BPTF: variants seen among roughly 807,000 people sequenced by gnomAD.
The protein encoded by BPTF is bromodomain PHD finger transcription factor, also known as nucleosome-remodeling factor subunit BPTF.
In BPTF, 18 loss-of-function variants were observed where a neutral mutation model predicts 292.5. The observed-to-expected ratio is 0.06, with a 90% CI of 0.04 to 0.09. The LOEUF (loss-of-function observed/expected upper bound fraction) is 0.09. BPTF is among the 10% of genes least tolerant of loss of function. The probability of loss-of-function intolerance (pLI) is 1.00; values close to 1 mark genes in which losing one functional copy is unlikely to be tolerated. For synonymous variants in BPTF, 1,225 were observed against 1,251.9 expected (o/e 0.98, Z 0.45); for missense variants, 2,726 against 3,498.7 (o/e 0.78, Z 5.57).
chr17:67,873,331 G>A (rs373114855), intron 3 of BPTF, among the ~76,000 whole-genome samples: 13 of 151,864 alleles, frequency 8.6e-5, no homozygotes, highest in Admixed American at 2.0e-4. Context: ...GGTGGCAGGC[G>A]CCTGTAATCC....
In BPTF at chr17:67,911,920, G is replaced by A; in HGVS notation, c.4036G>A (p.Glu1346Lys). ...LVSGESTGNCEDRLPVKGTEA... is the reference protein window; with the variant it reads ...LVSGESTGNCKDRLPVKGTEA... ...TTCTGGTGAGTCCACTGGAAACTGT[G>A]AGGACAGGCTGCCGGTCAAGGGGAC... Residue 1346 changes from glutamate to lysine, a missense_variant, in exon 11 of 28, where the codon GAG (glutamate) becomes AAG (lysine). Coordinates refer to ENST00000306378, the MANE Select transcript of BPTF (RefSeq NM_182641.4). 6.2e-7 allele frequency: 1 copy of A among 1,614,052 alleles called. No individual in the cohort carries two copies. The highest frequency in any genetic ancestry group is 8.5e-7 in the Non-Finnish European group (1 of 1,180,004).
chr17:67,978,129 C>T (rs1322723109), intron 27 of BPTF, among the ~76,000 whole-genome samples: 7 of 151,520 alleles, frequency 4.6e-5, no homozygotes, highest in South Asian at 2.1e-4. Context: ...GCTGGGATTA[C>T]GGGCGTGAGC....
In BPTF at chr17:67,982,334, G is replaced by T. The variant is rs782385753; in HGVS notation, c.*46G>T. On this transcript the variant is annotated 3_prime_UTR_variant, in exon 28 of 28. Coordinates refer to ENST00000306378, the MANE Select transcript of BPTF (RefSeq NM_182641.4). ...CATAAAACACAGCAAGAATCTGGTT[G>T]TCTGAACTATTTTAAATTAAGGAGC... 6.4e-7 allele frequency: 1 copy of T among 1,551,158 alleles called. No individual in the cohort carries two copies.
chr17:67,869,686 A>G (rs2059591507), intron 3 of BPTF, among the ~76,000 whole-genome samples: 1 of 152,040 alleles, frequency 6.6e-6, no homozygotes, highest in Admixed American at 6.6e-5. Flanking sequence ...ATGTACTTTT[A>G]AAAATTAGTT....
At chr17:67,881,185 A>G (rs2060378528) in intron 4 of BPTF, among the ~76,000 whole-genome samples, 1 of 152,164 alleles carries the variant, frequency 6.6e-6, no homozygotes, top group Admixed American at 6.6e-5. Flanking sequence ...GTGATCAGAA[A>G]CATTTTGTGT....
chr17:67,898,661 CTTTTT>C (rs11289448), intron 7 of BPTF, among the ~76,000 whole-genome samples: 1 of 136,828 alleles, frequency 7.3e-6, no homozygotes, highest in African/African-American at 2.7e-5. Flanking sequence ...TATATGAAGT[CTTTTT>C]TTTTTTTTTT....
chr17:67,858,215 T>C lies in BPTF; in HGVS notation c.1436+3453T>C, dbSNP rs1242317798. Among the ~76,000 whole-genome samples the C allele has an allele frequency of 3.3e-5, 5 of 152,228 alleles. No homozygotes were observed. In the East Asian group the frequency reaches 9.6e-4, roughly 29 times the overall value. On this transcript the variant is annotated intron_variant, in intron 2 of 27. Transcript: ENST00000306378. ...TAAATGTATATTCTGTGTCTTTTGG[T>C]TTGGATCAGATATTTTAAGAAATAT...
intron 26 of BPTF, among the ~76,000 whole-genome samples, chr17:67,969,217 C>T (rs2068480903): frequency 1.3e-5 from 2 of 151,036 alleles, no homozygotes; most frequent in Admixed American, 1.3e-4. Flanking sequence ...GAGGCTGAGG[C>T]AGGCAGATTG....
At chr17:67,833,791 C>G (rs2056916581) in intron 1 of BPTF, among the ~76,000 whole-genome samples, 1 of 152,016 alleles carries the variant, frequency 6.6e-6, no homozygotes, top group Non-Finnish European at 1.5e-5. Context: ...TTGTCTTGAA[C>G]TTCTGACCTC....
intron 23 of BPTF, chr17:67,956,207 T>C (rs2066919108): frequency 1.3e-5 from 2 of 150,190 alleles, no homozygotes; most frequent in African/African-American, 4.9e-5. Flanking sequence ...TAGTCCCAGC[T>C]ACTCGGGAGG....
rs149561756 is a variant in BPTF, at chr17:67,857,399, A to G, written c.1436+2637A>G. ...ATGGTCTTGATCTCCTGACCTTGTG[A>G]TCTGTCTGCCTCGGCCTCCCAAAGT... On this transcript the variant is annotated intron_variant, in intron 2 of 27. Coordinates refer to ENST00000306378, the MANE Select transcript of BPTF (RefSeq NM_182641.4). 5.7e-3 allele frequency among the ~76,000 whole-genome samples: 848 copies of G among 150,056 alleles called. 6 individuals carry two copies. Among genetic ancestry groups the G allele is most frequent in the African/African-American group, 0.018 (721 of 40,766 alleles).
intron 1 of BPTF, among the ~76,000 whole-genome samples, chr17:67,845,796 ATATATT>A (rs1169839138): frequency 4.7e-5 from 7 of 149,454 alleles, no homozygotes; most frequent in African/African-American, 7.3e-5. Context: ...TTTATTTTAT[ATATATT>A]TATAACTATG....
chr17:67,906,665 T>G (rs2062222910), intron 9 of BPTF, among the ~76,000 whole-genome samples: 1 of 152,170 alleles, frequency 6.6e-6, no homozygotes, highest in African/African-American at 2.4e-5. Flanking sequence ...CTCTTCTCTT[T>G]CTTCAGCCAG....
rs1265847475 is a variant in BPTF, at chr17:67,940,758, G to A, written c.6477+102G>A. The A allele has an allele frequency of 1.5e-5, 20 of 1,298,366 alleles. No individual in the cohort carries two copies. The East Asian group carries it at 2.0e-4, about 13-fold the overall frequency. 80.4% of individuals were successfully genotyped at this position (1,298,366 alleles called of 1,614,324 possible). On this transcript the variant is annotated intron_variant, in intron 19 of 27. Coordinates refer to ENST00000306378, the MANE Select transcript of BPTF (RefSeq NM_182641.4). ...ATTTTGATACGTTTTTAAATGTGCTGATTTGAAGAAATGGTTGCTTCCTGG... is the reference window on the plus strand; with the variant it reads ...ATTTTGATACGTTTTTAAATGTGCTAATTTGAAGAAATGGTTGCTTCCTGG...
chr17:67,867,332 T>G (rs2059448946), intron 3 of BPTF, among the ~76,000 whole-genome samples: 1 of 152,250 alleles, frequency 6.6e-6, no homozygotes. Context: ...ACTTTTTGCC[T>G]TTTTAAAAAA....
At chr17:67,885,300 C>T (rs886147536) in intron 4 of BPTF, among the ~76,000 whole-genome samples, 2 of 152,138 alleles carry the variant, frequency 1.3e-5, no homozygotes, top group Non-Finnish European at 2.9e-5. Flanking sequence ...TTAGCAATCA[C>T]AGCTGGGCAC....
chr17:67,847,900 C>G (rs1389713440), intron 1 of BPTF, among the ~76,000 whole-genome samples: 3 of 152,096 alleles, frequency 2.0e-5, no homozygotes, highest in Non-Finnish European at 4.4e-5. Flanking sequence ...TAAAAGATTT[C>G]AATGCATCAC....
intron 24 of BPTF, among the ~76,000 whole-genome samples, chr17:67,962,470 C>A (rs1355567370): frequency 2.0e-5 from 3 of 152,198 alleles, no homozygotes; most frequent in African/African-American, 7.2e-5. Flanking sequence ...ACTCTGCTCT[C>A]CACAATCACA....
intron 11 of BPTF, among the ~76,000 whole-genome samples, chr17:67,915,258 A>G (rs1245951986): frequency 6.6e-6 from 1 of 152,004 alleles, no homozygotes; most frequent in Non-Finnish European, 1.5e-5. Flanking sequence ...CTTCATTTTC[A>G]CATTGAACTG....
Sources: gnomAD v4.1 joint callset for allele counts (sites outside exome capture counted in the v4.1 genomes callset) on GRCh38, gnomAD v4.1.1 for gene constraint, MANE v1.5 for transcripts, NCBI Gene and HGNC (gene_info 2026-07-23, HGNC 2026-07-21) for gene names.